CAMTA1: variants seen among roughly 807,000 people sequenced by gnomAD.
The protein encoded by CAMTA1 is calmodulin-binding transcription activator 1.
In CAMTA1, 27 loss-of-function variants were observed where a neutral mutation model predicts 170.9. The ratio of observed to expected loss-of-function variants is 0.16; its 90% CI spans 0.12 to 0.22. The LOEUF is 0.22. Among genes scored for constraint, CAMTA1 ranks in the 10% least tolerant of loss-of-function variants. The pLI, the probability that CAMTA1 is intolerant of heterozygous loss-of-function variation, is 1.00. For synonymous variants in CAMTA1, 833 were observed against 891.5 expected, an observed-to-expected ratio of 0.93 and a Z score of 1.17; for missense variants, 1,619 against 2,217.2, an observed-to-expected ratio of 0.73 and a Z score of 5.42.
Position 7,251,137 on chromosome 1 carries a change from G to C in CAMTA1, c.438+1511G>C, listed in dbSNP as rs1666576825. Among the ~76,000 whole-genome samples the C allele has an allele frequency of 6.6e-6, 1 of 152,172 alleles. No individual in the cohort carries two copies. The highest frequency in any genetic ancestry group is 6.5e-5 in the Admixed American group (1 of 15,282). ...GTCACGGCAGCTCCTGTGCCCGTAG[G>C]CCCCTGGTATATTTCATCTTTAGTA... On this transcript the variant is annotated intron_variant, in intron 5 of 22. Coordinates refer to ENST00000303635, the MANE Select transcript of CAMTA1 (RefSeq NM_015215.4). The surrounding 1 kb of genome is among the most constrained non-coding windows in gnomAD (Gnocchi z 5.1).
intron 6 of CAMTA1, among the ~76,000 whole-genome samples, chr1:7,493,278 T>TAC (rs1201364971): frequency 3.1e-5 from 1 of 32,310 alleles, no homozygotes; most frequent in African/African-American, 2.5e-4. Flanking sequence ...CACACAAACA[T>TAC]ACACGCGCAC....
intron 3 of CAMTA1, among the ~76,000 whole-genome samples, chr1:7,047,641 G>T (rs2101541901): frequency 6.6e-6 from 1 of 151,940 alleles, no homozygotes; most frequent in South Asian, 2.1e-4. Flanking sequence ...TCTCCAAAGT[G>T]GTTGCATGTC....
intron 3 of CAMTA1, among the ~76,000 whole-genome samples, chr1:7,016,899 C>T (rs35533782): frequency 0.082 from 12,529 of 152,148 alleles, 723 homozygotes; most frequent in Non-Finnish European, 0.12. Flanking sequence ...TGTTAGTAGC[C>T]GAGACAGGAG....
chr1:7,141,262 G>T (rs1012223655), intron 4 of CAMTA1, among the ~76,000 whole-genome samples: 2 of 152,174 alleles, frequency 1.3e-5, no homozygotes, highest in African/African-American at 4.8e-5. Flanking sequence ...TGCCAGGTGT[G>T]ACCGGCTTCA....
chr1:6,984,261 G>C (rs1301759563), intron 3 of CAMTA1, among the ~76,000 whole-genome samples: 1 of 151,726 alleles, frequency 6.6e-6, no homozygotes, highest in Non-Finnish European at 1.5e-5. Context: ...ACTTTGGGAG[G>C]CCGGGGACTT....
chr1:7,553,139 GTGAA>G lies in CAMTA1; in HGVS notation c.510+85250_510+85253del, dbSNP rs941661586. Reference sequence around the variant, plus strand: ...AATGAGTGAGTGAGTAAATGAATGAGTGAATGAATGAATGAGTGAATGCATGAAT... The same window carrying G: ...AATGAGTGAGTGAGTAAATGAATGAGTGAATGAATGAGTGAATGCATGAAT... On this transcript the variant is annotated intron_variant, in intron 6 of 22. Coordinates refer to ENST00000303635, the MANE Select transcript of CAMTA1 (RefSeq NM_015215.4). Among the ~76,000 whole-genome samples, 60 of 152,236 alleles carry G rather than the reference GTGAA, an allele frequency of 3.9e-4. 1 individual carries two copies. Among genetic ancestry groups the G allele is most frequent in the South Asian group, 2.1e-4 (1 of 4,834 alleles).
At chr1:7,566,055 C>T (rs1387252593) in intron 6 of CAMTA1, among the ~76,000 whole-genome samples, 1 of 152,188 alleles carries the variant, frequency 6.6e-6, no homozygotes, top group Non-Finnish European at 1.5e-5. Context: ...TGATTACGGT[C>T]ACACTGGGGC....
chr1:6,917,711 C>G (rs543840419), intron 3 of CAMTA1, among the ~76,000 whole-genome samples: 15 of 150,700 alleles, frequency 1.0e-4, no homozygotes, highest in Non-Finnish European at 1.8e-4. Flanking sequence ...GCTTGAAATT[C>G]AGAGCCAAGG....
chr1:6,813,769 G>A (rs1244000658), intron 1 of CAMTA1, among the ~76,000 whole-genome samples: 2 of 151,958 alleles, frequency 1.3e-5, no homozygotes, highest in Non-Finnish European at 2.9e-5. Flanking sequence ...CTACAGGTTC[G>A]AGCCACTGCT....
chr1:7,457,564 G>A (rs1181702950), intron 5 of CAMTA1, among the ~76,000 whole-genome samples: 2 of 152,128 alleles, frequency 1.3e-5, no homozygotes, highest in Non-Finnish European at 2.9e-5. Context: ...CACCTCCCTG[G>A]TTCCTTTCTG....
chr1:7,677,800 A>G (rs916930566), intron 11 of CAMTA1, 67 bp downstream of exon 11: 1 of 1,543,642 alleles, frequency 6.5e-7, no homozygotes, highest in African/African-American at 1.4e-5. Flanking sequence ...ACTCTTGCAC[A>G]AGGTGTGAAA....
intron 6 of CAMTA1, among the ~76,000 whole-genome samples, chr1:7,624,269 C>T (rs772859614): frequency 3.1e-4 from 47 of 152,336 alleles, no homozygotes; most frequent in Non-Finnish European, 3.1e-4. Context: ...GTGATGACAA[C>T]GCAGAACCCT....
At chr1:7,414,604 A>G (rs541020792) in intron 5 of CAMTA1, among the ~76,000 whole-genome samples, 1 of 152,044 alleles carries the variant, frequency 6.6e-6, no homozygotes, top group East Asian at 1.9e-4. Flanking sequence ...CGGTGGTGAT[A>G]TCCCCTTTAT....
intron 4 of CAMTA1, among the ~76,000 whole-genome samples, chr1:7,226,204 AAGG>A (rs1452340029): frequency 6.6e-6 from 1 of 152,154 alleles, no homozygotes; most frequent in African/African-American, 2.4e-5. Context: ...ATTGCAGTAA[AAGG>A]AGGTGACACA....
chr1:7,573,846 T>C (rs2095155865), intron 6 of CAMTA1, among the ~76,000 whole-genome samples: 1 of 152,158 alleles, frequency 6.6e-6, no homozygotes, highest in Admixed American at 6.5e-5. Flanking sequence ...CCATCTTGGC[T>C]CAGTACAAGC....
In CAMTA1 at chr1:7,665,229, A is replaced by C. The variant is rs1480822412; in HGVS notation, c.2652+30A>C. On this transcript the variant is annotated intron_variant, in intron 9 of 22. Transcript: ENST00000303635. The surrounding 1 kb of genome is among the most constrained non-coding windows in gnomAD (Gnocchi z 4.3). ...GCTGCCGCCGCTGCCACCACCTGTC[A>C]CCTCCCCTCCCACCCACCTCGCCAG... 9 of 1,405,798 alleles carry C rather than the reference A, an allele frequency of 6.4e-6. No individual in the cohort carries two copies. The highest frequency in any genetic ancestry group is 1.8e-5 in the South Asian group (1 of 54,746). 87.1% of individuals were successfully genotyped at this position (1,405,798 alleles called of 1,614,324 possible). A position where few individuals can be genotyped will look rare whatever the true frequency, so the allele number is the denominator to read the frequency against.
At chr1:7,666,975 G>T (rs111739113) in intron 9 of CAMTA1, among the ~76,000 whole-genome samples, 1 of 152,036 alleles carries the variant, frequency 6.6e-6, no homozygotes, top group African/African-American at 2.4e-5. Flanking sequence ...TGAAACCTCC[G>T]CCTCCCAGGT....
At chr1:6,849,905 C>T (rs186692949) in intron 3 of CAMTA1, among the ~76,000 whole-genome samples, 18 of 151,890 alleles carry the variant, frequency 1.2e-4, no homozygotes, top group Non-Finnish European at 2.1e-4. Flanking sequence ...TGTGGTGACG[C>T]ATGCCTGTAA....
At chr1:6,906,249 C>G (rs1472714533) in intron 3 of CAMTA1, among the ~76,000 whole-genome samples, 1 of 152,152 alleles carries the variant, frequency 6.6e-6, no homozygotes, top group Non-Finnish European at 1.5e-5. Context: ...GAGAAACCCC[C>G]TGCCAAGGGG....
Sources: allele counts gnomAD v4.1 joint callset (sites outside exome capture counted in the v4.1 genomes callset), GRCh38; gene constraint gnomAD v4.1.1; non-coding constraint Gnocchi (gnomAD v3.1); transcripts MANE v1.5; gene names NCBI Gene and HGNC (gene_info 2026-07-23, HGNC 2026-07-21).